RLN2: variants seen among roughly 807,000 people sequenced by gnomAD.
RLN2 encodes the protein prorelaxin H2.
A neutral mutation model predicts 7.3 loss-of-function variants in RLN2; 10 were observed. That is an observed-to-expected ratio of 1.36 (90% confidence interval 0.84 to 2.31). RLN2 has a LOEUF of 2.31. RLN2 is among the 30% of genes most tolerant of loss of function. RLN2 has a pLI of 0.00. For synonymous variants in RLN2, 103 were observed against 82.3 expected (o/e 1.25, Z -1.36); for missense variants, 298 against 217.6 (o/e 1.37, Z -2.32).
At chr9:5,332,382 G>C in the RLN2 span, among the ~76,000 whole-genome samples, 1 of 151,870 alleles carries the variant, frequency 6.6e-6, no homozygotes, top group East Asian at 1.9e-4. Flanking sequence ...ATTGAATAAA[G>C]AAATTTATAG....
rs779392128 is a variant in RLN2, at chr9:5,304,351, A to C, written c.211+19T>G. 2.0e-6 allele frequency: 3 copies of C among 1,532,190 alleles called. No homozygotes were observed. The highest frequency in any genetic ancestry group is 3.1e-5 in the African/African-American group (2 of 65,568). 94.9% of individuals were successfully genotyped at this position (1,532,190 alleles called of 1,614,324 possible). On this transcript the variant is annotated intron_variant, in intron 1 of 1. Coordinates refer to ENST00000381627, the MANE Select transcript of RLN2 (RefSeq NM_134441.3). ...CAATGGGAAGCGCGGGAAGGCCGGGAGGGGGCGGGAGCTCTCACCTGCCAC... is the reference window on the plus strand; with the variant it reads ...CAATGGGAAGCGCGGGAAGGCCGGGCGGGGGCGGGAGCTCTCACCTGCCAC...
chr9:5,316,028 G>A, the RLN2 span, among the ~76,000 whole-genome samples: 1 of 151,908 alleles, frequency 6.6e-6, no homozygotes, highest in South Asian at 2.1e-4. Context: ...ACTGGTAAAG[G>A]TAAATACATA....
At chr9:5,321,491 T>C in the RLN2 span, among the ~76,000 whole-genome samples, 2 of 152,162 alleles carry the variant, frequency 1.3e-5, no homozygotes, top group East Asian at 3.9e-4. Flanking sequence ...TTTTACTAAA[T>C]GTAGGCTGTA....
chr9:5,328,612 G>A, the RLN2 span, among the ~76,000 whole-genome samples: 1 of 151,962 alleles, frequency 6.6e-6, no homozygotes. Flanking sequence ...ATAATTGTCA[G>A]ATTCACCAAG....
At chr9:5,335,085 A>G in the RLN2 span, 8 of 507,580 alleles carry the variant, frequency 1.6e-5, no homozygotes, top group Non-Finnish European at 2.4e-5. Context: ...ATTTACAGAA[A>G]CTACAATCAT....
intron 1 of RLN2, 64 bp from the exon 2 acceptor site, chr9:5,300,508 A>G (rs747508137): frequency 4.5e-5 from 50 of 1,103,058 alleles, no homozygotes; most frequent in Non-Finnish European, 6.1e-5. Context: ...ACTCAGAAAA[A>G]CTATGAATGT....
At chr9:5,337,507 G>A in the RLN2 span, among the ~76,000 whole-genome samples, 3 of 151,808 alleles carry the variant, frequency 2.0e-5, no homozygotes, top group Non-Finnish European at 4.4e-5. Flanking sequence ...GGTTTAAAGC[G>A]GATCTTATTT....
upstream of RLN2, among the ~76,000 whole-genome samples, chr9:5,308,527 C>T (rs1372927352): frequency 1.3e-5 from 2 of 151,970 alleles, no homozygotes; most frequent in Non-Finnish European, 2.9e-5. Flanking sequence ...CGTGTGTTCT[C>T]CAGTCTCTGA....
At chr9:5,321,885 T>C in the RLN2 span, among the ~76,000 whole-genome samples, 3 of 152,096 alleles carry the variant, frequency 2.0e-5, no homozygotes, top group Non-Finnish European at 4.4e-5. Context: ...CTGGAGTTTG[T>C]GAGCTTGCTC....
At chr9:5,308,731 C>G (rs1816297109), upstream of RLN2, among the ~76,000 whole-genome samples, 1 of 152,108 alleles carries the variant, frequency 6.6e-6, no homozygotes, top group Admixed American at 6.5e-5. Context: ...CCTCACATGG[C>G]CTGACCACAA....
chr9:5,320,130 C>A, the RLN2 span, among the ~76,000 whole-genome samples: 2 of 150,936 alleles, frequency 1.3e-5, 1 homozygote, highest in African/African-American at 4.9e-5. Flanking sequence ...GGATTACAGG[C>A]ACCTGCCACC....
At chr9:5,320,152 A>T in the RLN2 span, among the ~76,000 whole-genome samples, 1 of 150,884 alleles carries the variant, frequency 6.6e-6, no homozygotes, top group African/African-American at 2.4e-5. Context: ...CATCTGGCTA[A>T]TTTTTGTAGT....
upstream of RLN2, among the ~76,000 whole-genome samples, chr9:5,308,264 A>G (rs1816288802): frequency 1.3e-5 from 2 of 151,930 alleles, no homozygotes; most frequent in Non-Finnish European, 2.9e-5. Flanking sequence ...AACTGCTGGA[A>G]ATACCTTGGT....
chr9:5,333,453 C>A, the RLN2 span, among the ~76,000 whole-genome samples: 3 of 152,022 alleles, frequency 2.0e-5, no homozygotes, highest in Non-Finnish European at 4.4e-5. Context: ...GACACATACA[C>A]CCTCTCAAGA....
the RLN2 span, among the ~76,000 whole-genome samples, chr9:5,333,345 C>T: frequency 1.3e-5 from 2 of 152,006 alleles, no homozygotes; most frequent in African/African-American, 2.4e-5. Flanking sequence ...GGGGATACTA[C>T]CACTGAACCC....
chr9:5,326,422 G>A, the RLN2 span, among the ~76,000 whole-genome samples: 6 of 152,188 alleles, frequency 3.9e-5, no homozygotes, highest in African/African-American at 1.4e-4. Flanking sequence ...ACTGCCATAG[G>A]CAGACCACAT....
At chr9:5,323,683 C>T in the RLN2 span, among the ~76,000 whole-genome samples, 1 of 151,942 alleles carries the variant, frequency 6.6e-6, no homozygotes, top group Non-Finnish European at 1.5e-5. Context: ...ATTTCCCTTA[C>T]TTGTAAGTGT....
the RLN2 span, among the ~76,000 whole-genome samples, chr9:5,327,805 C>A: frequency 6.6e-6 from 1 of 152,018 alleles, no homozygotes; most frequent in Non-Finnish European, 1.5e-5. Context: ...CTCCAACACA[C>A]CTGCAGCTGA....
In RLN2 at chr9:5,300,304, C is replaced by T; in HGVS notation, c.352G>A (p.Val118Ile). The change falls in exon 2 of 2, where the codon GTA (valine) becomes ATA (isoleucine). Residue 118 changes from valine (V) to isoleucine (I), a missense_variant. Val to Ile is a conservative substitution (Grantham distance 29). Transcript: ENST00000381627. ...ALPQLQQHVP[V>I]LKDSSLLFEE... The stretch of plus-strand genomic sequence containing the variant: ...AAGAGAAGACTGGAATCTTTTAATA[C>T]AGGTACATGTTGTTGTAGCTGTGGT... 2 of 1,613,978 alleles carry T rather than the reference C, an allele frequency of 1.2e-6. No individual in the cohort carries two copies. The highest frequency in any genetic ancestry group is 1.1e-5 in the South Asian group (1 of 91,074).
Sources: allele counts gnomAD v4.1 joint callset (sites outside exome capture counted in the v4.1 genomes callset), GRCh38; gene constraint gnomAD v4.1.1; transcripts MANE v1.5; gene names NCBI Gene and HGNC (gene_info 2026-07-23, HGNC 2026-07-21).